The following TKFC variants were observed in gnomAD, a reference collection of about 807,000 sequenced individuals.
TKFC encodes the protein triokinase/FMN cyclase.
TKFC carries 46 observed loss-of-function variants against 61.0 expected under a neutral mutation model. The ratio of observed to expected loss-of-function variants is 0.75; its 90% CI spans 0.60 to 0.96. TKFC has a LOEUF of 0.96. Ranked by LOEUF, TKFC falls within the 50% of genes least tolerant of loss-of-function variation. TKFC has a pLI of 0.00. For synonymous variants in TKFC, 314 were observed against 330.1 expected (o/e 0.95, Z 0.53); for missense variants, 715 against 777.5 (o/e 0.92, Z 0.96).
intron 3 of TKFC, among the ~76,000 whole-genome samples, chr11:61,338,750 A>G (rs1340685436): frequency 6.6e-6 from 1 of 152,200 alleles, no homozygotes; most frequent in African/African-American, 2.4e-5. Flanking sequence ...GGAGACAGAC[A>G]ATAACCAAGT....
At chr11:61,350,477 A>G, downstream of TKFC, 1 of 1,600,158 alleles carries the variant, frequency 6.2e-7, no homozygotes, top group African/African-American at 1.3e-5. Flanking sequence ...GAGTCACACC[A>G]GGCCCAAGCT....
chr11:61,336,237 T>C (rs1029469409), intron 2 of TKFC: 5 of 154,522 alleles, frequency 3.2e-5, no homozygotes, highest in African/African-American at 1.2e-4. Context: ...GGCTTAGCCC[T>C]GGCCCTGGCT....
chr11:61,346,333 C>T lies in TKFC; in HGVS notation c.1576-18C>T. The T allele has an allele frequency of 6.2e-7, 1 of 1,611,812 alleles. No individual in the cohort carries two copies. The highest frequency in any genetic ancestry group is 8.5e-7 in the Non-Finnish European group (1 of 1,179,996). ...TGGTGATCTGCCCTTGAACCTGCTC[C>T]CACACCCCATCCCCCAGAGTGCCGA... On this transcript the variant is annotated intron_variant, in intron 17 of 17. Transcript: ENST00000394900. This position sits in a 1 kb window ranked among gnomAD's most constrained non-coding sequence, Gnocchi z 4.1.
chr11:61,345,697 C>A lies in TKFC; in HGVS notation c.1452-15C>A, dbSNP rs750615644. 2 of 1,614,122 alleles carry A rather than the reference C, an allele frequency of 1.2e-6. No individual in the cohort carries two copies. Among genetic ancestry groups the A allele is most frequent in the East Asian group, 2.2e-5 (1 of 44,906 alleles). ...TTCCCTATAGTGAGCCTCTTTCACT[C>A]TCTTTCCCTGCCAGGTATGGCAAGG... On this transcript the variant is annotated splice_polypyrimidine_tract_variant and intron_variant, in intron 15 of 17. Coordinates refer to ENST00000394900, the MANE Select transcript of TKFC (RefSeq NM_015533.4).
At position 61,334,738 on chromosome 11, in the gene TKFC, C is replaced by T. The variant is rs780618884; in HGVS notation, c.3+7C>T. ...TCAGAGCCTCCACACCATGGTGAGT[C>T]ATACAGGGCCGGGACGGGAATGGCA... On this transcript the variant is annotated splice_region_variant and intron_variant, in intron 2 of 17. Transcript: ENST00000394900. 1.2e-6 allele frequency: 2 copies of T among 1,614,090 alleles called. No individual in the cohort carries two copies. The highest frequency in any genetic ancestry group is 2.2e-5 in the East Asian group (1 of 44,882).
At chr11:61,349,978 T>C (rs1857321378), downstream of TKFC, 2 of 463,286 alleles carry the variant, frequency 4.3e-6, no homozygotes, top group African/African-American at 3.9e-5. Flanking sequence ...TAAGAGGAAA[T>C]CAGTCTGATT....
chr11:61,342,804 G>C lies in TKFC; in HGVS notation c.825G>C (p.Leu275=). 6.2e-7 allele frequency: 1 copy of C among 1,614,026 alleles called. No individual in the cohort carries two copies. Among genetic ancestry groups the C allele is most frequent in the Non-Finnish European group, 8.5e-7 (1 of 1,180,024 alleles). The change falls in exon 10 of 18, where the codon CTG becomes CTC. Residue 275 remains leucine (L), a synonymous_variant. Transcript: ENST00000394900. ...MVNNLGGLSF[L]ELGIIADATV... ...ACAACCTGGGTGGCCTGTCATTCCT[G>C]GAACTGGGCATCATAGCCGACGCTA...
rs113335007 is a variant in TKFC at position 61,339,154 on chromosome 11, G to A, written c.282G>A (p.Arg94=). 8.8e-5 allele frequency: 142 copies of A among 1,613,760 alleles called. No individual in the cohort carries two copies. The African/African-American group carries it at 1.6e-3, about 18-fold the overall frequency. ...TGGGCAGCATCCTGGCAGCCATCAG[G>A]GCCGTGGCCCAGGCCGGCACAGGTA... ...PAVGSILAAI[R]AVAQAGTVGT... The change falls in exon 4 of 18, where the codon AGG becomes AGA. Residue 94 remains arginine (R), a synonymous_variant. Coordinates refer to ENST00000394900, the MANE Select transcript of TKFC (RefSeq NM_015533.4).
At chr11:61,349,525 C>G, downstream of TKFC, 1 of 702,866 alleles carries the variant, frequency 1.4e-6, no homozygotes, top group South Asian at 1.5e-5. Flanking sequence ...ACTGGGACAT[C>G]TGGGGACAGG....
chr11:61,337,363 C>T (rs1856652494), intron 2 of TKFC, among the ~76,000 whole-genome samples: 1 of 152,210 alleles, frequency 6.6e-6, no homozygotes, highest in African/African-American at 2.4e-5. Context: ...CCAGGCCGGT[C>T]TCAAAGTCTT....
chr11:61,352,624 A>G (rs141636253), downstream of TKFC: 412 of 294,758 alleles, frequency 1.4e-3, 36 homozygotes, highest in East Asian at 0.056. Flanking sequence ...TTGTGCCACT[A>G]CACTCCAGCC....
rs780999100 is a variant in TKFC at position 61,345,837 on chromosome 11, C to G, written c.1486-20C>G. The G allele has an allele frequency of 5.6e-6, 9 of 1,614,058 alleles. No individual in the cohort carries two copies. The East Asian group carries it at 1.8e-4, about 32-fold the overall frequency. ...GGTTGCAGGGCCCGTGCTCAGCCCCCTTTCCTTCACCTTGTCCAGCTGGAT... is the reference window on the plus strand; with the variant it reads ...GGTTGCAGGGCCCGTGCTCAGCCCCGTTTCCTTCACCTTGTCCAGCTGGAT... On this transcript the variant is annotated intron_variant, in intron 16 of 17. Transcript: ENST00000394900.
chr11:61,346,589 C>T lies in TKFC; in HGVS notation c.*86C>T. 1 of 1,503,948 alleles carries T rather than the reference C, an allele frequency of 6.6e-7. No individual in the cohort carries two copies. Among genetic ancestry groups the T allele is most frequent in the Non-Finnish European group, 8.8e-7 (1 of 1,131,132 alleles). 93.2% of individuals were successfully genotyped at this position (1,503,948 alleles called of 1,614,324 possible). On this transcript the variant is annotated 3_prime_UTR_variant, in exon 18 of 18. Transcript: ENST00000394900. This position sits in a 1 kb window ranked among gnomAD's most constrained non-coding sequence, Gnocchi z 4.1. ...TCACTTCCTTCTGCCTTCCAACCCT[C>T]ACCTTCCCCCGGCCTGGCCCCATTG...
At chr11:61,333,669 A>G (rs1856479348) in intron 1 of TKFC, 1 of 152,138 alleles carries the variant, frequency 6.6e-6, no homozygotes, top group South Asian at 2.1e-4. Context: ...GCCCAACGTT[A>G]TTAGTGCCCC....
chr11:61,336,295 A>C (rs1856603847), intron 2 of TKFC: 3 of 154,494 alleles, frequency 1.9e-5, no homozygotes, highest in Non-Finnish European at 4.4e-5. Flanking sequence ...AATTTTGTAC[A>C]AAGGAGCTGG....
chr11:61,343,617 A>C, intron 11 of TKFC, 159 bp downstream of exon 11: 1 of 850,568 alleles, frequency 1.2e-6, no homozygotes, highest in Non-Finnish European at 1.8e-6. Context: ...TCCAGCTCTC[A>C]CTGGACTAGA....
At chr11:61,343,526 G>A in intron 11 of TKFC, 68 bp downstream of exon 11, 2 of 1,441,320 alleles carry the variant, frequency 1.4e-6, no homozygotes, top group Non-Finnish European at 1.9e-6. Context: ...AGGGAGACTT[G>A]GAGACCCCGT....
intron 8 of TKFC, 26 bp downstream of exon 8, chr11:61,342,521 G>T: frequency 6.2e-7 from 1 of 1,614,018 alleles, no homozygotes; most frequent in South Asian, 1.1e-5. Context: ...GGCACAGGCC[G>T]CCCTAAGGCC....
intron 1 of TKFC, 123 bp from the exon 2 acceptor site, chr11:61,334,497 A>G: frequency 1.8e-6 from 1 of 547,972 alleles, no homozygotes; most frequent in South Asian, 1.9e-5. Context: ...TAGCCCATGT[A>G]CTAGAGTTTG....
Sources: gnomAD v4.1 joint callset for allele counts (sites outside exome capture counted in the v4.1 genomes callset) on GRCh38, gnomAD v4.1.1 for gene constraint, Gnocchi (gnomAD v3.1) non-coding constraint, MANE v1.5 for transcripts, NCBI Gene and HGNC (gene_info 2026-07-23, HGNC 2026-07-21) for gene names.